The following PRELID2 variants were observed in gnomAD, a reference collection of about 807,000 sequenced individuals.
PRELID2 encodes PRELI domain containing 2, also known as PRELI domain-containing protein 2.
PRELID2 carries 25 observed loss-of-function variants against 28.4 expected under a neutral mutation model. That is an observed-to-expected ratio of 0.88 (90% CI 0.64 to 1.23). The LOEUF is 1.23. PRELID2 is among the 50% of genes most tolerant of loss of function. The probability of loss-of-function intolerance (pLI) is 0.00; values close to 1 mark genes in which losing one functional copy is unlikely to be tolerated. For synonymous variants in PRELID2, 76 were observed against 71.6 expected (o/e 1.06, Z -0.31); for missense variants, 201 against 214.4 (o/e 0.94, Z 0.39).
intron 2 of PRELID2, 75 bp downstream of exon 2, chr5:145,823,002 C>T: frequency 1.3e-6 from 1 of 791,994 alleles, no homozygotes; most frequent in Non-Finnish European, 2.2e-6. Context: ...AGGCCACACA[C>T]ACACGTACAC....
intron 1 of PRELID2, among the ~76,000 whole-genome samples, chr5:145,614,825 T>A (rs75556335): frequency 5.9e-5 from 9 of 152,334 alleles, no homozygotes; most frequent in Admixed American, 1.3e-4. Flanking sequence ...TTTATTTCTT[T>A]CTCTTGTCTG....
At chr5:145,391,744 C>T in the PRELID2 span, among the ~76,000 whole-genome samples, 5 of 150,712 alleles carry the variant, frequency 3.3e-5, no homozygotes, top group East Asian at 7.8e-4. Flanking sequence ...TTATGCTCTG[C>T]TTCTTCTTGA....
chr5:145,322,928 C>A, the PRELID2 span, among the ~76,000 whole-genome samples: 1 of 151,972 alleles, frequency 6.6e-6, no homozygotes, highest in Non-Finnish European at 1.5e-5. Context: ...TTGCAGTGAG[C>A]CGAGATCGCA....
chr5:145,591,903 G>A (rs1259039190), intron 1 of PRELID2, among the ~76,000 whole-genome samples: 1 of 152,194 alleles, frequency 6.6e-6, no homozygotes, highest in Admixed American at 6.5e-5. Context: ...GATGAGTGCT[G>A]CTGTGCTATC....
chr5:145,779,746 T>TAG (rs1758666524), intron 5 of PRELID2, among the ~76,000 whole-genome samples: 2 of 152,010 alleles, frequency 1.3e-5, no homozygotes, highest in Non-Finnish European at 2.9e-5. Flanking sequence ...TCATAAGATA[T>TAG]ATAGTATTAT....
chr5:145,652,184 CAAG>C (rs1345745842), intron 1 of PRELID2, among the ~76,000 whole-genome samples: 6 of 151,914 alleles, frequency 3.9e-5, no homozygotes, highest in Non-Finnish European at 7.4e-5. Context: ...TGAAATTAAG[CAAG>C]AAGAGAAGTT....
the PRELID2 span, among the ~76,000 whole-genome samples, chr5:145,346,409 A>G: frequency 6.6e-6 from 1 of 152,172 alleles, no homozygotes; most frequent in Non-Finnish European, 1.5e-5. Context: ...AGGTTCACTA[A>G]CATTGCCCAT....
Position 145,817,959 on chromosome 5 carries a change from C to T in PRELID2, c.303G>A (p.Thr101=), listed in dbSNP as rs149636874. ...RNMAIRSHCL[T]WTQYASMKEE... ...CCTTCATGGATGCATACTGTGTCCACGTAAGGCAGTGACTCCGTATGGCCA... is the reference window on the plus strand; with the variant it reads ...CCTTCATGGATGCATACTGTGTCCATGTAAGGCAGTGACTCCGTATGGCCA... Residue 101 remains threonine, a synonymous_variant, in exon 4 of 7, where the codon ACG becomes ACA. Transcript: ENST00000683046. The T allele has an allele frequency of 1.6e-5, 26 of 1,605,232 alleles. 1 individual carries two copies. Among genetic ancestry groups the T allele is most frequent in the Middle Eastern group, 3.3e-4 (2 of 6,000 alleles).
At chr5:145,652,753 C>G (rs1413508168) in intron 1 of PRELID2, among the ~76,000 whole-genome samples, 2 of 152,110 alleles carry the variant, frequency 1.3e-5, no homozygotes, top group Non-Finnish European at 2.9e-5. Context: ...GGAGGAAGCA[C>G]TAAACATGGA....
the PRELID2 span, among the ~76,000 whole-genome samples, chr5:145,262,369 C>A: frequency 6.6e-6 from 1 of 151,860 alleles, no homozygotes; most frequent in Non-Finnish European, 1.5e-5. Context: ...AGATCATTGC[C>A]TCAGCACATA....
chr5:145,784,605 T>G (rs1751863218), intron 5 of PRELID2, among the ~76,000 whole-genome samples: 1 of 152,158 alleles, frequency 6.6e-6, no homozygotes, highest in Non-Finnish European at 1.5e-5. Context: ...ATTCAAAAAT[T>G]TATTCCAATA....
At chr5:145,522,807 G>C (rs574814329) in intron 1 of PRELID2, among the ~76,000 whole-genome samples, 1 of 151,640 alleles carries the variant, frequency 6.6e-6, no homozygotes, top group African/African-American at 2.4e-5. Flanking sequence ...AGGAGGATGA[G>C]AGGGGGAGGA....
At chr5:145,695,643 C>T (rs1049657456) in intron 1 of PRELID2, among the ~76,000 whole-genome samples, 3 of 152,040 alleles carry the variant, frequency 2.0e-5, no homozygotes, top group African/African-American at 4.8e-5. Flanking sequence ...GAAGGCTTCA[C>T]GGGGTCTTGG....
At chr5:145,442,945 G>A in the PRELID2 span, among the ~76,000 whole-genome samples, 31 of 152,000 alleles carry the variant, frequency 2.0e-4, no homozygotes, top group African/African-American at 5.1e-4. Context: ...GCCTAGAAGA[G>A]CCGTGGCAAG....
intron 1 of PRELID2, among the ~76,000 whole-genome samples, chr5:145,616,535 A>G (rs2116814): frequency 0.19 from 29,484 of 152,012 alleles, 5,085 homozygotes; most frequent in African/African-American, 0.45. Flanking sequence ...CTGGGTGTCC[A>G]GGGGAGACAT....
chr5:145,363,128 AAAAAC>A, the PRELID2 span, among the ~76,000 whole-genome samples: 1 of 151,996 alleles, frequency 6.6e-6, no homozygotes, highest in South Asian at 2.1e-4. Context: ...AAAAAAAAAA[AAAAAC>A]AGAGAAAATG....
intron 1 of PRELID2, among the ~76,000 whole-genome samples, chr5:145,474,371 C>A (rs1416741201): frequency 6.6e-6 from 1 of 152,196 alleles, no homozygotes; most frequent in Non-Finnish European, 1.5e-5. Flanking sequence ...AGAACTCTCC[C>A]AGGCACTGAT....
chr5:145,371,340 T>C, the PRELID2 span, among the ~76,000 whole-genome samples: 8 of 152,170 alleles, frequency 5.3e-5, no homozygotes, highest in Non-Finnish European at 1.0e-4. Context: ...TTGAATTTTA[T>C]CAAAGGTCTT....
intron 1 of PRELID2, among the ~76,000 whole-genome samples, chr5:145,616,854 C>T (rs1386778459): frequency 6.6e-6 from 1 of 152,140 alleles, no homozygotes; most frequent in Admixed American, 6.5e-5. Context: ...ATTTCCTCAT[C>T]CTAGTAAGCC....
Sources: allele counts gnomAD v4.1 joint callset (sites outside exome capture counted in the v4.1 genomes callset), GRCh38; gene constraint gnomAD v4.1.1; transcripts MANE v1.5; gene names NCBI Gene and HGNC (gene_info 2026-07-23, HGNC 2026-07-21).